The following UBA6 variants were observed in gnomAD, a reference collection of about 807,000 sequenced individuals.
UBA6 encodes the protein ubiquitin-like modifier-activating enzyme 6.
UBA6 carries 87 observed loss-of-function variants against 148.3 expected under a neutral mutation model. The ratio of observed to expected loss-of-function variants is 0.59; its 90% CI spans 0.49 to 0.70. The LOEUF is 0.70. Ranked by LOEUF, UBA6 falls within the 30% of genes least tolerant of loss-of-function variation. UBA6 has a pLI of 0.00. For missense variants in UBA6, 1,186 were observed against 1,241.2 expected (o/e 0.96, Z 0.67); for synonymous variants, 376 against 401.0 (o/e 0.94, Z 0.75).
chr4:67,681,997 A>G, intron 3 of UBA6, 122 bp downstream of exon 3: 1 of 717,956 alleles, frequency 1.4e-6, no homozygotes, highest in East Asian at 2.7e-5. Context: ...TTAAAAACTC[A>G]ATCTGATCAA....
intron 2 of UBA6, among the ~76,000 whole-genome samples, chr4:67,695,992 TTTAA>T (rs1423632930): frequency 2.6e-5 from 4 of 152,320 alleles, no homozygotes; most frequent in Admixed American, 2.6e-4. Flanking sequence ...CATACAATAC[TTTAA>T]TTACTAAAAA....
intron 2 of UBA6, among the ~76,000 whole-genome samples, chr4:67,696,282 T>C (rs1329161755): frequency 6.6e-6 from 1 of 152,108 alleles, no homozygotes; most frequent in Non-Finnish European, 1.5e-5. Flanking sequence ...AAATCCTTCT[T>C]AGTCCTATCA....
Position 67,618,049 on chromosome 4 carries a change from A to AAC in UBA6, c.*947_*948insGT, listed in dbSNP as rs1560474105. On this transcript the variant is annotated 3_prime_UTR_variant, in exon 33 of 33. Transcript: ENST00000322244. ...CTTCTGTTTAAAAAAAAAAAACAAA[A>AAC]AAAACACAAAATTTAATACCCTAAT... is the stretch of plus-strand genomic sequence containing the variant. 1.3e-5 allele frequency: 2 copies of AAC among 148,982 alleles called. No individual in the cohort carries two copies. The highest frequency in any genetic ancestry group is 1.3e-4 in the Admixed American group (2 of 15,070). The allele number at this position is 148,982 out of a possible 1,614,324, so 9.2% of individuals were successfully genotyped here. A position where few individuals can be genotyped will look rare whatever the true frequency, so the allele number is the denominator to read the frequency against.
intron 2 of UBA6, among the ~76,000 whole-genome samples, chr4:67,695,792 C>G (rs1447612180): frequency 6.6e-6 from 1 of 152,136 alleles, no homozygotes; most frequent in Non-Finnish European, 1.5e-5. Context: ...AGTCTTCTAT[C>G]TCTTTTCCCA....
At chr4:67,687,593 G>C (rs1730603009) in intron 2 of UBA6, among the ~76,000 whole-genome samples, 2 of 152,080 alleles carry the variant, frequency 1.3e-5, no homozygotes, top group Admixed American at 1.3e-4. Context: ...GAACTTGGAA[G>C]GAAAAATCTG....
chr4:67,621,030 G>A (rs547970427), intron 32 of UBA6, among the ~76,000 whole-genome samples: 4 of 152,130 alleles, frequency 2.6e-5, no homozygotes, highest in African/African-American at 9.6e-5. Context: ...TCATGCTGGA[G>A]GTTTCAAATA....
chr4:67,668,461 C>CAG lies in UBA6; in HGVS notation c.793+89_793+90insCT, dbSNP rs1285178861. On this transcript the variant is annotated intron_variant, in intron 9 of 32. Transcript: ENST00000322244. ...GCCAAGGGCTTTGGATCATGTCTCT[C>CAG]TGAGTTGACATTCTGTTCCCAACAC... The CAG allele has an allele frequency of 5.7e-5, 71 of 1,250,792 alleles. No homozygotes were observed. In the African/African-American group the frequency reaches 9.8e-4, roughly 17 times the overall value. The allele number at this position is 1,250,792 out of a possible 1,614,324, so 77.5% of individuals were successfully genotyped here. A position where few individuals can be genotyped will look rare whatever the true frequency, so the allele number is the denominator to read the frequency against.
chr4:67,622,703 T>C, intron 32 of UBA6, 128 bp downstream of exon 32: 1 of 647,434 alleles, frequency 1.5e-6, no homozygotes, highest in Non-Finnish European at 2.5e-6. Flanking sequence ...TCACTGTCTT[T>C]ATTAATGTCA....
At chr4:67,667,138 C>A (rs942315140) in intron 9 of UBA6, among the ~76,000 whole-genome samples, 1 of 152,050 alleles carries the variant, frequency 6.6e-6, no homozygotes, top group Non-Finnish European at 1.5e-5. Flanking sequence ...ACTATCACCA[C>A]AATTCACCAC....
At chr4:67,675,082 C>G (rs565304193) in intron 6 of UBA6, among the ~76,000 whole-genome samples, 5 of 152,346 alleles carry the variant, frequency 3.3e-5, no homozygotes, top group African/African-American at 1.2e-4. Context: ...GCTGGCCAGG[C>G]TGGTCTCGAA....
intron 25 of UBA6, among the ~76,000 whole-genome samples, chr4:67,631,204 A>C (rs142480203): frequency 6.6e-6 from 1 of 152,328 alleles, no homozygotes; most frequent in African/African-American, 2.4e-5. Context: ...TCTTTCAAAG[A>C]ATAAAAACTA....
chr4:67,646,706 G>A lies in UBA6; in HGVS notation c.1316+18C>T. The A allele has an allele frequency of 6.3e-7, 1 of 1,590,788 alleles. No homozygotes were observed. Among genetic ancestry groups the A allele is most frequent in the Non-Finnish European group, 8.6e-7 (1 of 1,166,502 alleles). On this transcript the variant is annotated intron_variant, in intron 15 of 32. Coordinates refer to ENST00000322244, the MANE Select transcript of UBA6 (RefSeq NM_018227.6). ...TCTATTTGCCTGTTAGTAAAAGCAA[G>A]AGAAATTTCATTATTACCGTGGGAG... is the stretch of plus-strand genomic sequence containing the variant.
At chr4:67,626,248 A>C (rs2109896506) in intron 28 of UBA6, 112 bp downstream of exon 28, 1 of 689,298 alleles carries the variant, frequency 1.5e-6, no homozygotes, top group Admixed American at 2.6e-5. Context: ...ATCAATCAAT[A>C]TTGTCATCAT....
At chr4:67,653,378 T>C (rs1330582467) in intron 13 of UBA6, among the ~76,000 whole-genome samples, 1 of 152,166 alleles carries the variant, frequency 6.6e-6, no homozygotes, top group Non-Finnish European at 1.5e-5. Flanking sequence ...CCGCTGGTGA[T>C]ACCCAGGCAA....
intron 13 of UBA6, among the ~76,000 whole-genome samples, chr4:67,656,828 CAA>C: frequency 6.6e-6 from 1 of 152,330 alleles, no homozygotes; most frequent in Non-Finnish European, 1.5e-5. Flanking sequence ...GCAACTTCAG[CAA>C]AGTCTCAGGA....
intron 17 of UBA6, among the ~76,000 whole-genome samples, 189 bp from the exon 18 acceptor site, chr4:67,641,417 A>G (rs370404679): frequency 6.4e-4 from 97 of 152,310 alleles, no homozygotes; most frequent in African/African-American, 2.2e-3. Flanking sequence ...AATTGTAATT[A>G]ATGTTTTACA....
intron 9 of UBA6, among the ~76,000 whole-genome samples, 161 bp from the exon 10 acceptor site, chr4:67,665,453 G>A (rs1439944257): frequency 1.4e-5 from 2 of 144,800 alleles, no homozygotes; most frequent in East Asian, 2.0e-4. Flanking sequence ...TTTTAATGAA[G>A]AGCTGGGAGG....
At chr4:67,678,725 A>G (rs1228149957) in intron 4 of UBA6, among the ~76,000 whole-genome samples, 192 bp from the exon 5 acceptor site, 1 of 152,218 alleles carries the variant, frequency 6.6e-6, no homozygotes, top group South Asian at 2.1e-4. Context: ...CTCACTTGTT[A>G]GATTGGCATA....
At chr4:67,664,798 A>T (rs1313261522) in intron 10 of UBA6, among the ~76,000 whole-genome samples, 1 of 152,170 alleles carries the variant, frequency 6.6e-6, no homozygotes, top group East Asian at 1.9e-4. Flanking sequence ...TTAGAAAATT[A>T]AATAATAATA....
Sources: gnomAD v4.1 joint callset for allele counts (sites outside exome capture counted in the v4.1 genomes callset) on GRCh38, gnomAD v4.1.1 for gene constraint, MANE v1.5 for transcripts, NCBI Gene and HGNC (gene_info 2026-07-23, HGNC 2026-07-21) for gene names.